The following SH3GLB2 variants were observed in gnomAD, a reference collection of about 807,000 sequenced individuals.
SH3GLB2 encodes the protein endophilin-B2.
SH3GLB2 carries 24 observed loss-of-function variants against 48.0 expected under a neutral mutation model. That is an observed-to-expected ratio of 0.50 (90% CI 0.36 to 0.70). SH3GLB2 has a LOEUF of 0.70. Ranked by LOEUF, SH3GLB2 falls within the 30% of genes least tolerant of loss-of-function variation. The pLI, the probability that SH3GLB2 is intolerant of heterozygous loss-of-function variation, is 0.00. For synonymous variants in SH3GLB2, 227 were observed against 207.6 expected, an observed-to-expected ratio of 1.09 and a Z score of -0.80; for missense variants, 425 against 516.0, an observed-to-expected ratio of 0.82 and a Z score of 1.71.
At chr9:129,018,809 A>G (rs950224113) in intron 3 of SH3GLB2, among the ~76,000 whole-genome samples, 18 of 146,896 alleles carry the variant, frequency 1.2e-4, no homozygotes, top group African/African-American at 3.3e-4. Context: ...GGAGAATGGC[A>G]TGAACCCGGG....
intron 3 of SH3GLB2, among the ~76,000 whole-genome samples, chr9:129,017,861 G>A (rs1843527719): frequency 6.7e-6 from 1 of 148,682 alleles, no homozygotes; most frequent in Admixed American, 6.8e-5. Context: ...TCGTGCCACT[G>A]CACTCCAGCC....
rs11790844 is a variant in SH3GLB2 at position 129,024,285 on chromosome 9, G to A, written c.64-1862C>T. 4.5e-3 allele frequency among the ~76,000 whole-genome samples: 662 copies of A among 147,928 alleles called. 3 individuals carry two copies. Among genetic ancestry groups the A allele is most frequent in the Middle Eastern group, 0.021 (6 of 280 alleles). On this transcript the variant is annotated intron_variant, in intron 1 of 10. Transcript: ENST00000372564. The stretch of plus-strand genomic sequence containing the variant: ...AAAAAAAAAAAAAAAAAAAAAGCCC[G>A]GCACGGTGGCTTATGCCTATAATCC...
At chr9:129,008,911 G>A in intron 10 of SH3GLB2, 120 bp from the exon 11 acceptor site, 1 of 1,259,218 alleles carries the variant, frequency 7.9e-7, no homozygotes, top group Non-Finnish European at 1.1e-6. Flanking sequence ...CACCTTCAGT[G>A]GCTGGCGCTC....
chr9:129,010,008 T>A (rs1843017580), intron 8 of SH3GLB2, 112 bp downstream of exon 8: 2 of 1,374,816 alleles, frequency 1.5e-6, no homozygotes, highest in East Asian at 4.6e-5. Context: ...CCCTCCCCGG[T>A]GGGACTTGCT....
rs952842197 is a variant in SH3GLB2 at position 129,007,678 on chromosome 9, C to G, written c.*1006G>C. 4 of 152,218 alleles carry G rather than the reference C, an allele frequency of 2.6e-5. No individual in the cohort carries two copies. Among genetic ancestry groups the G allele is most frequent in the Admixed American group, 6.5e-5 (1 of 15,272 alleles). The allele number at this position is 152,218 out of a possible 1,614,324, so 9.4% of individuals were successfully genotyped here. A position where few individuals can be genotyped will look rare whatever the true frequency, so the allele number is the denominator to read the frequency against. ...GAGGACGGCATGAGAACCCATGGCA[C>G]GGGGGCACATGCTGGGTGAAACGCC... is the stretch of plus-strand genomic sequence containing the variant. On this transcript the variant is annotated 3_prime_UTR_variant, in exon 11 of 11. Coordinates refer to ENST00000372564, the MANE Select transcript of SH3GLB2 (RefSeq NM_020145.4).
chr9:129,012,585 G>A, intron 5 of SH3GLB2: 7 of 422,688 alleles, frequency 1.7e-5, no homozygotes. Context: ...GCAAGTCACA[G>A]GCTGGGCTCT....
At chr9:129,017,636 C>T (rs1467454709) in intron 3 of SH3GLB2, among the ~76,000 whole-genome samples, 1 of 151,886 alleles carries the variant, frequency 6.6e-6, no homozygotes, top group Non-Finnish European at 1.5e-5. Context: ...TGTGATGGCT[C>T]ACACCTGTAA....
intron 5 of SH3GLB2, chr9:129,013,250 A>G: frequency 1.8e-6 from 1 of 559,982 alleles, no homozygotes; most frequent in Non-Finnish European, 3.2e-6. Context: ...GGGCTGCCCA[A>G]GTCCTAGCTC....
In SH3GLB2 at chr9:129,007,369, G is replaced by A. The variant is rs1489267945; in HGVS notation, c.*1315C>T. On this transcript the variant is annotated 3_prime_UTR_variant, in exon 11 of 11. Coordinates refer to ENST00000372564, the MANE Select transcript of SH3GLB2 (RefSeq NM_020145.4). The stretch of plus-strand genomic sequence containing the variant: ...CAGTGGGCTGAGCTCATCCCTGGGT[G>A]AGCCTTTCTTGAAGCTCTGTGCCTT... 1.3e-5 allele frequency: 2 copies of A among 152,190 alleles called. No homozygotes were observed. The highest frequency in any genetic ancestry group is 2.4e-5 in the African/African-American group (1 of 41,420). 9.4% of individuals were successfully genotyped at this position (152,190 alleles called of 1,614,324 possible).
At chr9:129,009,691 C>G (rs1352528177) in intron 9 of SH3GLB2, 80 bp downstream of exon 9, 1 of 1,441,184 alleles carries the variant, frequency 6.9e-7, no homozygotes, top group Non-Finnish European at 9.5e-7. Context: ...ACAGGACTTG[C>G]CCAGAGGAGC....
chr9:129,013,892 G>T (rs1171687426), intron 5 of SH3GLB2: 4 of 378,542 alleles, frequency 1.1e-5, no homozygotes, highest in Non-Finnish European at 2.1e-5. Context: ...TCAGTGAGCT[G>T]GGAGTGAAGG....
chr9:129,012,335 C>CCCTGGG, intron 5 of SH3GLB2, 37 bp from the exon 6 acceptor site: 1 of 1,259,728 alleles, frequency 7.9e-7, no homozygotes, highest in Non-Finnish European at 1.0e-6. Context: ...GAGGGGGTCA[C>CCCTGGG]CCTGGGCCAG....
intron 8 of SH3GLB2, 60 bp from the exon 9 acceptor site, chr9:129,009,931 G>T: frequency 6.6e-7 from 1 of 1,520,586 alleles, no homozygotes; most frequent in South Asian, 1.2e-5. Context: ...AAAAAATTCC[G>T]TCCCCATCCC....
chr9:129,013,157 C>A, intron 5 of SH3GLB2: 1 of 874,606 alleles, frequency 1.1e-6, no homozygotes. Flanking sequence ...GGCACCACAG[C>A]CTGCCCTCCT....
chr9:129,020,386 T>A (rs1843712386), intron 3 of SH3GLB2, among the ~76,000 whole-genome samples: 1 of 149,046 alleles, frequency 6.7e-6, no homozygotes, highest in East Asian at 2.0e-4. Flanking sequence ...CTGGTCAACA[T>A]GGTGAAACCC....
chr9:129,014,141 C>A lies in SH3GLB2; in HGVS notation c.561+270G>T, dbSNP rs906234389. On this transcript the variant is annotated intron_variant, in intron 5 of 10. Coordinates refer to ENST00000372564, the MANE Select transcript of SH3GLB2 (RefSeq NM_020145.4). The surrounding 1 kb of genome is among the most constrained non-coding windows in gnomAD (Gnocchi z 4.1). ...GGCAGGGCAGGGCATGCAGGAGACT[C>A]CAGCTGCCTGGCGGGGTGGTGCACC... 7 of 617,188 alleles carry A rather than the reference C, an allele frequency of 1.1e-5. No individual in the cohort carries two copies. The highest frequency in any genetic ancestry group is 1.1e-4 in the African/African-American group (6 of 55,278). The allele number at this position is 617,188 out of a possible 1,614,324, so 38.2% of individuals were successfully genotyped here. A position where few individuals can be genotyped will look rare whatever the true frequency, so the allele number is the denominator to read the frequency against.
In SH3GLB2 at chr9:129,014,168, A is replaced by G. The variant is rs902050876; in HGVS notation, c.561+243T>C. The G allele has an allele frequency of 1.6e-6, 1 of 624,210 alleles. No individual in the cohort carries two copies. Among genetic ancestry groups the G allele is most frequent in the Non-Finnish European group, 2.9e-6 (1 of 341,148 alleles). 38.7% of individuals were successfully genotyped at this position (624,210 alleles called of 1,614,324 possible). On this transcript the variant is annotated intron_variant, in intron 5 of 10. Transcript: ENST00000372564. The surrounding 1 kb of genome is among the most constrained non-coding windows in gnomAD (Gnocchi z 4.1). ...AGCTGCCTGGCGGGGTGGTGCACCC[A>G]GCTGGGGGCACTGCTGGTCCGCCCA... is the stretch of plus-strand genomic sequence containing the variant.
Position 129,010,706 on chromosome 9 carries a change from C to T in SH3GLB2, c.625-13G>A, listed in dbSNP as rs1843066439. 6.2e-7 allele frequency: 1 copy of T among 1,613,810 alleles called. No homozygotes were observed. On this transcript the variant is annotated splice_polypyrimidine_tract_variant and intron_variant, in intron 6 of 10. Transcript: ENST00000372564. ...CATCATTCCAGAGCTGTGGAGACGG[C>T]AGCAGGAGTGGCCAGCAGGGGAGGG... is the stretch of plus-strand genomic sequence containing the variant.
At position 129,021,132 on chromosome 9, in the gene SH3GLB2, A is replaced by G. The variant is rs1414330166; in HGVS notation, c.293T>C (p.Met98Thr). 6.2e-7 allele frequency: 1 copy of G among 1,612,660 alleles called. No homozygotes were observed. Among genetic ancestry groups the G allele is most frequent in the Admixed American group, 1.7e-5 (1 of 59,988 alleles). Residue 98 changes from methionine to threonine, a missense_variant, in exon 3 of 11, where the codon ATG (methionine) becomes ACG (threonine). Met to Thr is a moderately conservative substitution (Grantham distance 81, BLOSUM62 -1). Coordinates refer to ENST00000372564, the MANE Select transcript of SH3GLB2 (RefSeq NM_020145.4). ...VTNGELLAQY[M>T]ADAASELGPT... is the part of the protein sequence containing the mutation. Reference sequence around the variant, plus strand: ...CCCCAGCTCACTGGCCGCGTCTGCCATGTACTGAGCCAGCAGCTCCCCGTT... The same window carrying G: ...CCCCAGCTCACTGGCCGCGTCTGCCGTGTACTGAGCCAGCAGCTCCCCGTT...
Sources: gnomAD v4.1 joint callset for allele counts (sites outside exome capture counted in the v4.1 genomes callset) on GRCh38, gnomAD v4.1.1 for gene constraint, Gnocchi (gnomAD v3.1) non-coding constraint, MANE v1.5 for transcripts, NCBI Gene and HGNC (gene_info 2026-07-23, HGNC 2026-07-21) for gene names.